Variants in SLC9B1 observed in about 807,000 individuals in gnomAD.
SLC9B1 encodes sodium/hydrogen exchanger 9B1.
A neutral mutation model predicts 51.7 loss-of-function variants in SLC9B1; 32 were observed. The ratio of observed to expected loss-of-function variants is 0.62; its 90% CI spans 0.47 to 0.83. The LOEUF (loss-of-function observed/expected upper bound fraction) is 0.83, where lower values mean the gene tolerates loss of function less well. Ranked by LOEUF, SLC9B1 falls within the 40% of genes least tolerant of loss-of-function variation. SLC9B1 has a pLI of 0.00. For missense variants in SLC9B1, 406 were observed against 613.2 expected, an observed-to-expected ratio of 0.66 and a Z score of 3.57; for synonymous variants, 145 against 212.7, an observed-to-expected ratio of 0.68 and a Z score of 2.77.
At chr4:103,011,367 C>A (rs992299356) in intron 1 of SLC9B1, among the ~76,000 whole-genome samples, 3 of 152,144 alleles carry the variant, frequency 2.0e-5, no homozygotes, top group Admixed American at 6.5e-5. Context: ...TTAGGGGGAG[C>A]AGACCATGCA....
chr4:102,973,121 C>T, intron 3 of SLC9B1, among the ~76,000 whole-genome samples: 1 of 151,930 alleles, frequency 6.6e-6, no homozygotes, highest in East Asian at 1.9e-4. Context: ...TATCAATAAC[C>T]ACAATAAACT....
chr4:102,986,928 A>G (rs1739655628), intron 3 of SLC9B1, among the ~76,000 whole-genome samples: 1 of 152,150 alleles, frequency 6.6e-6, no homozygotes, highest in African/African-American at 2.4e-5. Context: ...TCACAGTCTG[A>G]TAATTCCAAT....
At chr4:102,990,909 G>C (rs1260215302) in intron 2 of SLC9B1, among the ~76,000 whole-genome samples, 1 of 151,932 alleles carries the variant, frequency 6.6e-6, no homozygotes, top group Non-Finnish European at 1.5e-5. Context: ...TTAACCTATT[G>C]GAGTTCTGGT....
chr4:102,968,695 C>T (rs1308883297), intron 3 of SLC9B1, among the ~76,000 whole-genome samples: 2 of 152,218 alleles, frequency 1.3e-5, no homozygotes, highest in African/African-American at 4.8e-5. Context: ...GTGGGTGCAG[C>T]CCACAGAGGG....
chr4:102,931,086 C>T (rs1578357330), intron 7 of SLC9B1, among the ~76,000 whole-genome samples: 1 of 151,696 alleles, frequency 6.6e-6, no homozygotes, highest in African/African-American at 2.4e-5. Flanking sequence ...ATTAGCCGGG[C>T]GTGGTGGTGG....
intron 4 of SLC9B1, 27 bp from the exon 5 acceptor site, chr4:102,946,816 T>C: frequency 3.2e-6 from 5 of 1,540,898 alleles, no homozygotes; most frequent in Non-Finnish European, 4.4e-6. Flanking sequence ...TAAAGATACA[T>C]GACAGTTCAT....
intron 1 of SLC9B1, among the ~76,000 whole-genome samples, chr4:102,999,941 A>T (rs967185576): frequency 3.3e-5 from 5 of 152,208 alleles, no homozygotes; most frequent in Admixed American, 3.3e-4. Flanking sequence ...GGAAACTTAC[A>T]ATCAAGTGGA....
rs568898094 is a variant in SLC9B1 at position 102,918,206 on chromosome 4, G to A, written c.830-6669C>T. ...ATAAAGAAGACTCAACTTCTTTTAG[G>A]AACAAAAGAGAAGACATTGCAACAG... On this transcript the variant is annotated intron_variant, in intron 7 of 11. Coordinates refer to ENST00000296422, the MANE Select transcript of SLC9B1 (RefSeq NM_139173.4). Among the ~76,000 whole-genome samples, 6 of 151,460 alleles carry A rather than the reference G, an allele frequency of 4.0e-5. No homozygotes were observed. In the South Asian group the frequency reaches 8.3e-4, roughly 21 times the overall value.
chr4:102,988,619 T>G (rs1387970476), intron 3 of SLC9B1, among the ~76,000 whole-genome samples: 1 of 151,964 alleles, frequency 6.6e-6, no homozygotes, highest in Non-Finnish European at 1.5e-5. Context: ...AAGGAAACAG[T>G]GTGAATGTAG....
At chr4:102,950,803 G>A (rs562982408) in intron 3 of SLC9B1, among the ~76,000 whole-genome samples, 1 of 152,144 alleles carries the variant, frequency 6.6e-6, no homozygotes, top group Non-Finnish European at 1.5e-5. Context: ...AAATGAGCCT[G>A]ACCAACATGG....
chr4:102,962,465 G>GA (rs1277843929), intron 3 of SLC9B1: 1 of 506,042 alleles, frequency 2.0e-6, no homozygotes, highest in Non-Finnish European at 4.0e-6. Flanking sequence ...CATTTTTGCA[G>GA]AAATTATGTT....
At chr4:102,951,756 A>G (rs963400603) in intron 3 of SLC9B1, among the ~76,000 whole-genome samples, 3 of 151,908 alleles carry the variant, frequency 2.0e-5, no homozygotes, top group Admixed American at 6.6e-5. Flanking sequence ...AAACACAACT[A>G]ATAGTAGTTT....
intron 11 of SLC9B1, chr4:102,890,896 A>T (rs747723156): frequency 4.0e-5 from 6 of 148,972 alleles, no homozygotes; most frequent in Non-Finnish European, 8.9e-5. Context: ...TGTGGCAGAA[A>T]TCAGTACGAA....
chr4:102,991,450 T>C (rs1739934268), intron 2 of SLC9B1, among the ~76,000 whole-genome samples, 193 bp downstream of exon 2: 1 of 152,094 alleles, frequency 6.6e-6, no homozygotes. Context: ...TGCTCTATAG[T>C]CACACCTTTC....
chr4:102,960,779 C>T (rs1311812938), intron 3 of SLC9B1, among the ~76,000 whole-genome samples: 1 of 150,188 alleles, frequency 6.7e-6, no homozygotes. Context: ...GTTGCCCAGG[C>T]TGGAGTGCAA....
At chr4:102,885,798 C>T (rs1733880425) in intron 11 of SLC9B1, among the ~76,000 whole-genome samples, 1 of 152,122 alleles carries the variant, frequency 6.6e-6, no homozygotes, top group African/African-American at 2.4e-5. Flanking sequence ...GGACAAGTTA[C>T]TTAATTTTTA....
chr4:102,998,978 C>A (rs956537099), intron 1 of SLC9B1, among the ~76,000 whole-genome samples: 1 of 152,140 alleles, frequency 6.6e-6, no homozygotes, highest in African/African-American at 2.4e-5. Context: ...TCTGCCTCAG[C>A]CTCCCAAGTG....
chr4:102,978,062 G>C (rs551141858), intron 3 of SLC9B1, among the ~76,000 whole-genome samples: 6 of 152,202 alleles, frequency 3.9e-5, no homozygotes, highest in African/African-American at 1.4e-4. Flanking sequence ...AGAGGTGTTT[G>C]GTTTTTTGTC....
intron 11 of SLC9B1, among the ~76,000 whole-genome samples, chr4:102,886,763 T>TC (rs1733944511): frequency 9.8e-3 from 2 of 204 alleles, no homozygotes; most frequent in Admixed American, 0.083. Context: ...CACAGGCGTA[T>TC]GCACCACGCC....
Sources: gnomAD v4.1 joint callset for allele counts (sites outside exome capture counted in the v4.1 genomes callset) on GRCh38, gnomAD v4.1.1 for gene constraint, MANE v1.5 for transcripts, NCBI Gene and HGNC (gene_info 2026-07-23, HGNC 2026-07-21) for gene names.